The following FEZ2 variants were observed in gnomAD, a reference collection of about 807,000 sequenced individuals.
The protein encoded by FEZ2 is fasciculation and elongation protein zeta 2.
A neutral mutation model predicts 40.4 loss-of-function variants in FEZ2; 51 were observed. The ratio of observed to expected loss-of-function variants is 1.26; its 90% CI spans 1.01 to 1.59. The LOEUF is 1.59. Ranked by LOEUF, FEZ2 falls within the 40% of genes most tolerant of loss-of-function variation. The pLI is 0.00. For synonymous variants in FEZ2, 242 were observed against 172.0 expected (o/e 1.41, Z -3.18); for missense variants, 640 against 438.3 (o/e 1.46, Z -4.11).
chr2:36,577,111 T>C (rs1463717972), intron 5 of FEZ2, among the ~76,000 whole-genome samples: 1 of 152,248 alleles, frequency 6.6e-6, no homozygotes, highest in Non-Finnish European at 1.5e-5. Flanking sequence ...TCTAGGATTG[T>C]ATATTCAAAC....
chr2:36,576,274 TA>T (rs1377003197), intron 5 of FEZ2, among the ~76,000 whole-genome samples: 11 of 93,334 alleles, frequency 1.2e-4, no homozygotes, highest in African/African-American at 5.5e-4. Context: ...TTAGGCTTTT[TA>T]TTTTTTTTTT....
chr2:36,565,489 G>C (rs949082392), intron 5 of FEZ2, among the ~76,000 whole-genome samples: 3 of 151,968 alleles, frequency 2.0e-5, no homozygotes, highest in African/African-American at 7.3e-5. Flanking sequence ...TCACCATAAT[G>C]AGCAGCCTGC....
rs2125236041 is a variant in FEZ2, at chr2:36,581,392, C to G, written c.532G>C (p.Asp178His). The G allele has an allele frequency of 6.2e-7, 1 of 1,613,420 alleles. No homozygotes were observed. The highest frequency in any genetic ancestry group is 2.2e-5 in the East Asian group (1 of 44,866). ...EIEEMMQESP[D>H]PEDDETPTQS... Reference sequence around the variant, plus strand: ...GTAGGGGTTTCATCATCTTCTGGGTCCGGTGATTCCTGCATCATTTCTTCA... The same window carrying G: ...GTAGGGGTTTCATCATCTTCTGGGTGCGGTGATTCCTGCATCATTTCTTCA... Residue 178 changes from aspartate (D) to histidine (H), a missense_variant, in exon 4 of 8, where the codon GAC becomes CAC. Physicochemically the swap from Asp to His is moderately conservative, Grantham distance 81. Transcript: ENST00000405912.
chr2:36,554,671 T>C (rs1667908545), intron 7 of FEZ2, among the ~76,000 whole-genome samples: 1 of 152,194 alleles, frequency 6.6e-6, no homozygotes, highest in Non-Finnish European at 1.5e-5. Flanking sequence ...CCCACTAGTG[T>C]CTAGCTCATG....
chr2:36,584,621 G>A (rs1668850174), intron 2 of FEZ2, among the ~76,000 whole-genome samples: 1 of 152,040 alleles, frequency 6.6e-6, no homozygotes, highest in Non-Finnish European at 1.5e-5. Flanking sequence ...GAATAAATGG[G>A]CAACAAGGAT....
intron 2 of FEZ2, among the ~76,000 whole-genome samples, chr2:36,584,857 C>T (rs1039723604): frequency 2.6e-5 from 4 of 152,104 alleles, no homozygotes; most frequent in African/African-American, 9.7e-5. Flanking sequence ...TGAGAAGGGC[C>T]AAGGGAAGAA....
intron 3 of FEZ2, 81 bp downstream of exon 3, chr2:36,583,272 C>A (rs934467113): frequency 2.7e-6 from 2 of 735,904 alleles, no homozygotes; most frequent in Non-Finnish European, 4.9e-6. Flanking sequence ...AACCAACAGC[C>A]ATCATTTACT....
intron 6 of FEZ2, chr2:36,558,135 T>C (rs1472051334): frequency 1.5e-5 from 3 of 195,114 alleles, no homozygotes; most frequent in Non-Finnish European, 3.1e-5. Flanking sequence ...TTATGATAAA[T>C]GGATATGTTC....
At chr2:36,591,817 T>C (rs953639589) in intron 1 of FEZ2, among the ~76,000 whole-genome samples, 2 of 152,120 alleles carry the variant, frequency 1.3e-5, no homozygotes, top group African/African-American at 2.4e-5. Context: ...GCCAGGCCCC[T>C]TAACCTCCCT....
At chr2:36,555,475 C>T in intron 7 of FEZ2, 1 of 371,748 alleles carries the variant, frequency 2.7e-6, no homozygotes, top group Non-Finnish European at 4.9e-6. Context: ...TATTTCCAAC[C>T]CAGAACCTCC....
Position 36,597,897 on chromosome 2 carries a change from G to A in FEZ2, c.246C>T (p.Arg82=). ...CTCACTCGTCCCCCTGCAGGAGGCT[G>A]CGCTCCGTGATGGGCCGCACGGCCG... is the stretch of plus-strand genomic sequence containing the variant. ...PRTAVRPITE[R]SLLQGDEIWN... Residue 82 remains arginine, a synonymous_variant, in exon 1 of 8, where the codon CGC becomes CGT. Transcript: ENST00000405912. The A allele has an allele frequency of 7.2e-7, 1 of 1,393,234 alleles. No homozygotes were observed. Among genetic ancestry groups the A allele is most frequent in the Non-Finnish European group, 9.2e-7 (1 of 1,081,138 alleles). The allele number at this position is 1,393,234 out of a possible 1,614,324, so 86.3% of individuals were successfully genotyped here.
Position 36,553,065 on chromosome 2 carries a change from G to A in FEZ2, c.*98C>T. ...CTGAATCAAACCCAAGTTCAAATGT[G>A]CTGAGTTTCCAATAGCAAGAAGGGT... On this transcript the variant is annotated 3_prime_UTR_variant, in exon 8 of 8. Coordinates refer to ENST00000405912, the MANE Select transcript of FEZ2 (RefSeq NM_005102.3). The A allele has an allele frequency of 7.3e-6, 7 of 962,642 alleles. No individual in the cohort carries two copies. Among genetic ancestry groups the A allele is most frequent in the Non-Finnish European group, 1.6e-6 (1 of 621,174 alleles). The allele number at this position is 962,642 out of a possible 1,614,324, so 59.6% of individuals were successfully genotyped here. A position where few individuals can be genotyped will look rare whatever the true frequency, so the allele number is the denominator to read the frequency against.
chr2:36,584,333 C>T (rs1668839053), intron 2 of FEZ2, among the ~76,000 whole-genome samples: 1 of 152,224 alleles, frequency 6.6e-6, no homozygotes, highest in Non-Finnish European at 1.5e-5. Context: ...ATGCCCAGGA[C>T]TGCTAAAGTA....
chr2:36,556,007 CA>C, intron 6 of FEZ2: 2 of 601,034 alleles, frequency 3.3e-6, no homozygotes, highest in South Asian at 3.0e-5. Context: ...TTAAAATTTC[CA>C]AACAGTGGAG....
intron 5 of FEZ2, among the ~76,000 whole-genome samples, chr2:36,570,822 A>G (rs1289362438): frequency 6.6e-6 from 1 of 152,226 alleles, no homozygotes; most frequent in Admixed American, 6.5e-5. Flanking sequence ...ACAGCATTAT[A>G]ATCCTGACTC....
Position 36,552,859 on chromosome 2 carries a change from A to G in FEZ2, c.*304T>C, listed in dbSNP as rs1667853002. 6.0e-6 allele frequency: 2 copies of G among 334,588 alleles called. No homozygotes were observed. Among genetic ancestry groups the G allele is most frequent in the South Asian group, 1.4e-4 (2 of 13,802 alleles). The allele number at this position is 334,588 out of a possible 1,614,324, so 20.7% of individuals were successfully genotyped here. On this transcript the variant is annotated 3_prime_UTR_variant, in exon 8 of 8. Transcript: ENST00000405912. The stretch of plus-strand genomic sequence containing the variant: ...AAGAAAGCCATAAAAACAAATGGGC[A>G]TACTGTCAGTTAATGAGAAATACAA...
chr2:36,591,492 A>G (rs1428581753), intron 1 of FEZ2: 4 of 152,674 alleles, frequency 2.6e-5, no homozygotes, highest in Admixed American at 6.5e-5. Context: ...CAAACAGACC[A>G]TTTCAAAAAG....
intron 2 of FEZ2, among the ~76,000 whole-genome samples, chr2:36,589,439 A>AT (rs1476265980): frequency 6.6e-6 from 1 of 152,212 alleles, no homozygotes; most frequent in Non-Finnish European, 1.5e-5. Context: ...GGAGGTGAGG[A>AT]TTCCCCCCAA....
intron 5 of FEZ2, among the ~76,000 whole-genome samples, chr2:36,573,380 T>G (rs757358716): frequency 2.6e-5 from 4 of 152,228 alleles, no homozygotes; most frequent in Non-Finnish European, 5.9e-5. Flanking sequence ...CTGGTGTTGT[T>G]CAACCTATTC....
Sources: gnomAD v4.1 joint callset for allele counts (sites outside exome capture counted in the v4.1 genomes callset) on GRCh38, gnomAD v4.1.1 for gene constraint, MANE v1.5 for transcripts, NCBI Gene and HGNC (gene_info 2026-07-23, HGNC 2026-07-21) for gene names.